Variants in UNC5D observed in about 807,000 individuals in gnomAD.
The protein encoded by UNC5D is unc-5 netrin receptor D.
In UNC5D, 39 loss-of-function variants were observed where a neutral mutation model predicts 105.4. The observed-to-expected ratio is 0.37, with a 90% CI of 0.29 to 0.48. The LOEUF (loss-of-function observed/expected upper bound fraction) is 0.48, where lower values mean the gene tolerates loss of function less well. Ranked by LOEUF, UNC5D falls within the 20% of genes least tolerant of loss-of-function variation. UNC5D has a pLI of 0.98. For synonymous variants in UNC5D, 452 were observed against 450.4 expected (o/e 1.00, Z -0.04); for missense variants, 991 against 1,202.4 (o/e 0.82, Z 2.60).
intron 1 of UNC5D, among the ~76,000 whole-genome samples, chr8:35,478,896 T>C (rs1810293390): frequency 6.6e-6 from 1 of 152,166 alleles, no homozygotes; most frequent in Non-Finnish European, 1.5e-5. Flanking sequence ...TTATTTAAAT[T>C]ACATTTCAAA....
At chr8:35,462,689 G>GA (rs1476462671) in intron 1 of UNC5D, among the ~76,000 whole-genome samples, 2 of 152,126 alleles carry the variant, frequency 1.3e-5, no homozygotes, top group African/African-American at 4.8e-5. Flanking sequence ...CCTGATAGGA[G>GA]AAAAAAGAAA....
intron 4 of UNC5D, among the ~76,000 whole-genome samples, chr8:35,680,093 T>C (rs763574376): frequency 1.4e-4 from 22 of 152,190 alleles, no homozygotes; most frequent in Admixed American, 8.5e-4. Flanking sequence ...GGGAGAGTCC[T>C]CATGATCTGA....
At chr8:35,299,719 A>T (rs1807779473) in intron 1 of UNC5D, among the ~76,000 whole-genome samples, 1 of 152,174 alleles carries the variant, frequency 6.6e-6, no homozygotes, top group Admixed American at 6.5e-5. Flanking sequence ...AAGATTATTT[A>T]CTGTAGTATT....
rs1054113475 is a variant in UNC5D at position 35,722,039 on chromosome 8, T to C, written c.1118-171T>C. Among the ~76,000 whole-genome samples the C allele has an allele frequency of 3.9e-5, 6 of 152,242 alleles. 1 individual carries two copies. Among genetic ancestry groups the C allele is most frequent in the Admixed American group, 1.3e-4 (2 of 15,284 alleles). ...TCCCTTTGATTTATACAAGGCATTT[T>C]AGAAACACGATTACTGTGTGAAAGT... On this transcript the variant is annotated intron_variant, in intron 8 of 16. Coordinates refer to ENST00000404895, the MANE Select transcript of UNC5D (RefSeq NM_080872.4).
At chr8:35,746,186 GC>G (rs1829998085) in intron 11 of UNC5D, among the ~76,000 whole-genome samples, 1 of 152,194 alleles carries the variant, frequency 6.6e-6, no homozygotes, top group African/African-American at 2.4e-5. Flanking sequence ...GAGAGCAAGA[GC>G]CTGTGAGTGA....
chr8:35,668,704 CAG>C (rs1229219351), intron 4 of UNC5D, among the ~76,000 whole-genome samples: 1 of 152,016 alleles, frequency 6.6e-6, no homozygotes, highest in East Asian at 1.9e-4. Flanking sequence ...GAAAAGTTAA[CAG>C]AGTAGGAAAG....
intron 4 of UNC5D, among the ~76,000 whole-genome samples, chr8:35,661,067 T>G (rs371967127): frequency 6.6e-6 from 1 of 151,720 alleles, no homozygotes; most frequent in East Asian, 1.9e-4. Flanking sequence ...TACTGTACTC[T>G]AGCCCAGGTG....
intron 4 of UNC5D, among the ~76,000 whole-genome samples, chr8:35,676,813 C>G (rs905578502): frequency 2.0e-5 from 3 of 151,802 alleles, no homozygotes; most frequent in African/African-American, 7.3e-5. Flanking sequence ...TTGAGCTCCT[C>G]TTTGTGATAA....
chr8:35,720,699 T>C (rs1828528069), intron 8 of UNC5D, among the ~76,000 whole-genome samples: 1 of 152,166 alleles, frequency 6.6e-6, no homozygotes, highest in Non-Finnish European at 1.5e-5. Context: ...GTTGGAGAAG[T>C]AGGCTCCATT....
In UNC5D at chr8:35,642,982, A is replaced by G. The variant is rs146277092; in HGVS notation, c.571-40565A>G. ...ATGCCCACGGAGCAGGCTTAGAAAC[A>G]TGCTAGGAAGACATCCTTAACAAAA... is the stretch of plus-strand genomic sequence containing the variant. On this transcript the variant is annotated intron_variant, in intron 4 of 16. Coordinates refer to ENST00000404895, the MANE Select transcript of UNC5D (RefSeq NM_080872.4). Among the ~76,000 whole-genome samples the G allele has an allele frequency of 7.1e-3, 1,076 of 152,262 alleles. 13 individuals carry two copies. The highest frequency in any genetic ancestry group is 0.025 in the African/African-American group (1,020 of 41,562).
chr8:35,316,019 C>T lies in UNC5D; in HGVS notation c.103+80132C>T, dbSNP rs113395701. Among the ~76,000 whole-genome samples, 4 of 152,156 alleles carry T rather than the reference C, an allele frequency of 2.6e-5. 1 individual carries two copies. The highest frequency in any genetic ancestry group is 9.6e-5 in the African/African-American group (4 of 41,528). Reference sequence around the variant, plus strand: ...AGCTTTATAGCTTAAAGAGATCGGTCGAGCTACATGATGGAGAATGTATTA... The same window carrying T: ...AGCTTTATAGCTTAAAGAGATCGGTTGAGCTACATGATGGAGAATGTATTA... On this transcript the variant is annotated intron_variant, in intron 1 of 16. Transcript: ENST00000404895.
At chr8:35,674,699 A>G (rs973105295) in intron 4 of UNC5D, among the ~76,000 whole-genome samples, 3 of 152,170 alleles carry the variant, frequency 2.0e-5, no homozygotes, top group Admixed American at 6.5e-5. Context: ...GCGAGTCTAA[A>G]GGCTTCCTCG....
chr8:35,677,123 A>T (rs16884224), intron 4 of UNC5D, among the ~76,000 whole-genome samples: 5,985 of 152,218 alleles, frequency 0.039, 397 homozygotes, highest in African/African-American at 0.14. Context: ...CGGTCATCAC[A>T]TTCCTATAAT....
chr8:35,328,044 G>A (rs1410264761), intron 1 of UNC5D, among the ~76,000 whole-genome samples: 2 of 152,120 alleles, frequency 1.3e-5, no homozygotes, highest in Non-Finnish European at 2.9e-5. Context: ...GCTAGGATGT[G>A]TTTTTTGTTT....
chr8:35,788,120 A>C (rs537279942), intron 16 of UNC5D, among the ~76,000 whole-genome samples: 4 of 152,308 alleles, frequency 2.6e-5, no homozygotes, highest in African/African-American at 9.6e-5. Context: ...TTTGGCAACC[A>C]ACTGACTGTA....
At chr8:35,273,502 A>T (rs879799983) in intron 1 of UNC5D, among the ~76,000 whole-genome samples, 2 of 152,190 alleles carry the variant, frequency 1.3e-5, no homozygotes, top group Non-Finnish European at 2.9e-5. Context: ...AGACTTAAGG[A>T]ATAAAAACTT....
chr8:35,544,604 T>C, intron 1 of UNC5D: 1 of 1,488,056 alleles, frequency 6.7e-7, no homozygotes, highest in Non-Finnish European at 8.9e-7. Flanking sequence ...CGTTTTTTTT[T>C]TTTTTTTTTT....
At chr8:35,783,914 C>T (rs1802620162) in intron 16 of UNC5D, among the ~76,000 whole-genome samples, 3 of 152,144 alleles carry the variant, frequency 2.0e-5, no homozygotes, top group Admixed American at 2.0e-4. Context: ...TTCCAAAAAT[C>T]CTCAAATCTA....
At chr8:35,693,623 G>A (rs1011110944) in intron 7 of UNC5D, among the ~76,000 whole-genome samples, 43 of 152,082 alleles carry the variant, frequency 2.8e-4, no homozygotes, top group Admixed American at 1.3e-3. Flanking sequence ...TAAGACACAA[G>A]AGCCTAGGTA....
Sources: allele counts gnomAD v4.1 joint callset (sites outside exome capture counted in the v4.1 genomes callset), GRCh38; gene constraint gnomAD v4.1.1; transcripts MANE v1.5; gene names NCBI Gene and HGNC (gene_info 2026-07-23, HGNC 2026-07-21).